COL18A1: variants seen among roughly 807,000 people sequenced by gnomAD.
COL18A1 encodes the protein collagen alpha-1(XVIII) chain.
A neutral mutation model predicts 168.0 loss-of-function variants in COL18A1; 133 were observed. The ratio of observed to expected loss-of-function variants is 0.79; its 90% CI spans 0.69 to 0.91. COL18A1 has a LOEUF of 0.91. Among genes scored for constraint, COL18A1 ranks in the 40% least tolerant of loss-of-function variants. The pLI is 0.00. For synonymous variants in COL18A1, 949 were observed against 809.0 expected (o/e 1.17, Z -2.94); for missense variants, 2,126 against 1,925.4 (o/e 1.10, Z -1.95).
intron 32 of COL18A1, among the ~76,000 whole-genome samples, chr21:45,500,362 AGTGTGTGAGGGG>A (rs2036722522): frequency 3.9e-5 from 1 of 25,652 alleles, no homozygotes; most frequent in African/African-American, 1.6e-4. Flanking sequence ...TTGGGTGTGT[AGTGTGTGAGGGG>A]GTGGGGGTGT....
At chr21:45,493,626 T>C (rs773983145) in intron 26 of COL18A1, 51 bp downstream of exon 26, 36 of 1,373,732 alleles carry the variant, frequency 2.6e-5, no homozygotes, top group Non-Finnish European at 3.6e-5. Flanking sequence ...CCTGGGGCTG[T>C]GGAGACAGCC....
intron 9 of COL18A1, 116 bp from the exon 10 acceptor site, chr21:45,479,786 T>A: frequency 6.9e-7 from 1 of 1,444,374 alleles, no homozygotes; most frequent in Non-Finnish European, 9.4e-7. Flanking sequence ...CCCCAGAGAC[T>A]CCCCTGAAGG....
intron 2 of COL18A1, among the ~76,000 whole-genome samples, chr21:45,436,630 C>T (rs1189555601): frequency 6.6e-6 from 1 of 151,738 alleles, no homozygotes; most frequent in Non-Finnish European, 1.5e-5. Flanking sequence ...ACCCCTGCAG[C>T]CCTGGAACTG....
At chr21:45,405,840 CG>C (rs1272068552) in intron 2 of COL18A1, among the ~76,000 whole-genome samples, 5 of 151,766 alleles carry the variant, frequency 3.3e-5, no homozygotes, top group Non-Finnish European at 5.9e-5. Context: ...CCCGCAGCGC[CG>C]GGTCCCGGGA....
chr21:45,440,857 G>T (rs2034352107), intron 2 of COL18A1, among the ~76,000 whole-genome samples: 1 of 152,206 alleles, frequency 6.6e-6, no homozygotes, highest in Non-Finnish European at 1.5e-5. Context: ...CCCAGGCAGG[G>T]TGAGGTTTCC....
chr21:45,475,087 G>A (rs950011451), intron 4 of COL18A1, among the ~76,000 whole-genome samples: 4 of 152,208 alleles, frequency 2.6e-5, no homozygotes, highest in Non-Finnish European at 4.4e-5. Flanking sequence ...CCGCCTTGGC[G>A]CGTGTTCGGC....
Position 45,494,244 on chromosome 21 carries a change from GCCCTCCA to G in COL18A1, c.2353-283_2353-277del, listed in dbSNP as rs3831207. The G allele has an allele frequency of 4.6e-4, 206 of 449,072 alleles. 9 individuals are homozygous for G. Among genetic ancestry groups the G allele is most frequent in the Middle Eastern group, 7.0e-4 (1 of 1,434 alleles). The allele number at this position is 449,072 out of a possible 1,614,324, so 27.8% of individuals were successfully genotyped here. A position where few individuals can be genotyped will look rare whatever the true frequency, so the allele number is the denominator to read the frequency against. On this transcript the variant is annotated intron_variant, in intron 26 of 41. Coordinates refer to ENST00000651438, the MANE Select transcript of COL18A1 (RefSeq NM_001379500.1). Reference sequence around the variant, plus strand: ...GCAACCAGGACACTGCGTGGCACATGCCCTCCACCCTCCACCCTCCACCCCTGCTTCA... The same window carrying G: ...GCAACCAGGACACTGCGTGGCACATGCCCTCCACCCTCCACCCCTGCTTCA...
chr21:45,482,242 C>T (rs754519716), intron 14 of COL18A1: 11 of 623,198 alleles, frequency 1.8e-5, no homozygotes, highest in East Asian at 2.7e-5. Flanking sequence ...AGTGGACTCA[C>T]GGGTTTTAAG....
At chr21:45,418,647 C>T (rs908464986) in intron 2 of COL18A1, among the ~76,000 whole-genome samples, 4 of 152,356 alleles carry the variant, frequency 2.6e-5, no homozygotes, top group African/African-American at 9.6e-5. Flanking sequence ...ACAGCCCGCC[C>T]TCCTTGGCTC....
chr21:45,434,700 TA>T (rs1377136310), intron 2 of COL18A1, among the ~76,000 whole-genome samples: 1 of 152,194 alleles, frequency 6.6e-6, no homozygotes, highest in Non-Finnish European at 1.5e-5. Flanking sequence ...AAAGACTGTA[TA>T]TGCAGGTGGT....
chr21:45,477,795 C>A lies in COL18A1; in HGVS notation c.1051C>A (p.Pro351Thr). 6.5e-7 allele frequency: 1 copy of A among 1,548,840 alleles called. No individual in the cohort carries two copies. The highest frequency in any genetic ancestry group is 8.7e-7 in the Non-Finnish European group (1 of 1,146,180). Residue 351 changes from proline to threonine, a missense_variant, in exon 8 of 42, where the codon CCT (proline) becomes ACT (threonine). Coordinates refer to ENST00000651438, the MANE Select transcript of COL18A1 (RefSeq NM_001379500.1). ...AGGGGAGCCAGGTGTTCCGGGCCCA[C>A]CTGGCCGGGCAGGCCCCCCAGGATC... Reference protein sequence around the residue: ...QKGEPGVPGPPGRAGPPGSPC... With the variant: ...QKGEPGVPGPTGRAGPPGSPC...
intron 2 of COL18A1, among the ~76,000 whole-genome samples, chr21:45,437,450 TCA>T (rs1214942635): frequency 1.2e-4 from 1 of 8,624 alleles, no homozygotes; most frequent in Non-Finnish European, 2.0e-4. Context: ...ACACACTCAC[TCA>T]CAGACAGACA....
chr21:45,478,168 T>TGGGTGTGAGGAGGCTCCTGGCGC lies in COL18A1; in HGVS notation c.1222-153_1222-131dup, dbSNP rs550354356. 6.1e-5 allele frequency: 57 copies of TGGGTGTGAGGAGGCTCCTGGCGC among 932,776 alleles called. 1 individual carries two copies. The East Asian group carries it at 1.2e-3, about 20-fold the overall frequency. 57.8% of individuals were successfully genotyped at this position (932,776 alleles called of 1,614,324 possible). A position where few individuals can be genotyped will look rare whatever the true frequency, so the allele number is the denominator to read the frequency against. On this transcript the variant is annotated intron_variant, in intron 8 of 41. Coordinates refer to ENST00000651438, the MANE Select transcript of COL18A1 (RefSeq NM_001379500.1). ...CGGAGCTGCTCAGACACAGCCCTTG[T>TGGGTGTGAGGAGGCTCCTGGCGC]GGGTGTGAGGAGGCTCCTGGCGCGG...
At chr21:45,465,542 G>A (rs1216334498) in intron 2 of COL18A1, among the ~76,000 whole-genome samples, 1 of 152,164 alleles carries the variant, frequency 6.6e-6, no homozygotes, top group Non-Finnish European at 1.5e-5. Context: ...ATCAGGTTCC[G>A]GAAGCTCTGT....
intron 15 of COL18A1, among the ~76,000 whole-genome samples, chr21:45,486,620 G>A (rs1337334935): frequency 1.3e-5 from 2 of 152,226 alleles, no homozygotes; most frequent in African/African-American, 2.4e-5. Flanking sequence ...GTGCATGTGG[G>A]CCCAACCCCG....
At chr21:45,452,806 TTG>T (rs2034660138) in intron 2 of COL18A1, among the ~76,000 whole-genome samples, 1 of 152,076 alleles carries the variant, frequency 6.6e-6, no homozygotes, top group African/African-American at 2.4e-5. Context: ...ACATATGTGA[TTG>T]TGTATGCATG....
At chr21:45,419,313 G>A (rs188425664) in intron 2 of COL18A1, among the ~76,000 whole-genome samples, 100 of 151,664 alleles carry the variant, frequency 6.6e-4, no homozygotes, top group South Asian at 2.5e-3. Context: ...GTGTAGTGAC[G>A]CAATGCCGTG....
At chr21:45,437,829 C>CA (rs776819935) in intron 2 of COL18A1, among the ~76,000 whole-genome samples, 2 of 64,952 alleles carry the variant, frequency 3.1e-5, no homozygotes, top group Non-Finnish European at 5.3e-5. Context: ...CACTCACACT[C>CA]AGACAAGCAC....
rs1362833841 is a variant in COL18A1 at position 45,423,060 on chromosome 21, C to T, written c.106+17587C>T. On this transcript the variant is annotated intron_variant, in intron 2 of 41. Coordinates refer to ENST00000651438, the MANE Select transcript of COL18A1 (RefSeq NM_001379500.1). The surrounding 1 kb of genome is among the most constrained non-coding windows in gnomAD (Gnocchi z 4.0). ...AACTCCCGACCTCAGGTGATCTGCC[C>T]GCATCTCCTTCCCAGAGTGTTGGGA... Among the ~76,000 whole-genome samples, 3 of 152,116 alleles carry T rather than the reference C, an allele frequency of 2.0e-5. No individual in the cohort carries two copies. Among genetic ancestry groups the T allele is most frequent in the Non-Finnish European group, 4.4e-5 (3 of 68,024 alleles).
Sources: allele counts gnomAD v4.1 joint callset (sites outside exome capture counted in the v4.1 genomes callset), GRCh38; gene constraint gnomAD v4.1.1; non-coding constraint Gnocchi (gnomAD v3.1); transcripts MANE v1.5; gene names NCBI Gene and HGNC (gene_info 2026-07-23, HGNC 2026-07-21).